Variants in THEM4 observed in about 807,000 individuals in gnomAD.
The protein encoded by THEM4 is thioesterase superfamily member 4.
Under a neutral mutation model 25.0 loss-of-function variants are expected in THEM4, and 22 were observed. That is an observed-to-expected ratio of 0.88 (90% confidence interval 0.63 to 1.26). The LOEUF is 1.26. Among genes scored for constraint, THEM4 ranks in the 50% most tolerant of loss-of-function variants. The pLI, the probability that THEM4 is intolerant of heterozygous loss-of-function variation, is 0.00. For missense variants in THEM4, 286 were observed against 300.3 expected (o/e 0.95, Z 0.35); for synonymous variants, 113 against 105.6 (o/e 1.07, Z -0.43).
intron 1 of THEM4, among the ~76,000 whole-genome samples, chr1:151,907,499 A>G (rs917508280): frequency 3.0e-4 from 45 of 152,264 alleles, no homozygotes; most frequent in African/African-American, 8.7e-4. Context: ...GCTTGTTTCA[A>G]GCTAGCCCAC....
Position 151,872,698 on chromosome 1 carries a change from G to C in THEM4, c.*2190C>G, listed in dbSNP as rs1405308307. 6.6e-6 allele frequency among the ~76,000 whole-genome samples: 1 copy of C among 152,198 alleles called. No homozygotes were observed. The highest frequency in any genetic ancestry group is 2.4e-5 in the African/African-American group (1 of 41,460). ...CAAGGTTTAAGGGATCTAGGACTGT[G>C]CAGGACGTGCCTCATTAACAGTATG... On this transcript the variant is annotated 3_prime_UTR_variant, in exon 6 of 6. Coordinates refer to ENST00000368814, the MANE Select transcript of THEM4 (RefSeq NM_053055.5).
intron 1 of THEM4, among the ~76,000 whole-genome samples, chr1:151,906,871 C>A (rs1654481211): frequency 6.6e-6 from 1 of 152,104 alleles, no homozygotes; most frequent in South Asian, 2.1e-4. Context: ...ATGCACCAAT[C>A]AGGGCCCTGT....
At chr1:151,905,249 G>C (rs1654431547) in intron 1 of THEM4, among the ~76,000 whole-genome samples, 1 of 152,196 alleles carries the variant, frequency 6.6e-6, no homozygotes, top group South Asian at 2.1e-4. Context: ...TTGAGTTCCT[G>C]TGTGGCAGGG....
chr1:151,887,233 A>T (rs1330954583), intron 4 of THEM4, among the ~76,000 whole-genome samples: 2 of 152,202 alleles, frequency 1.3e-5, no homozygotes, highest in African/African-American at 2.4e-5. Flanking sequence ...GTTTGAGATC[A>T]GCCTGGCCAA....
At chr1:151,894,439 T>C (rs991667869) in intron 2 of THEM4, among the ~76,000 whole-genome samples, 8 of 152,084 alleles carry the variant, frequency 5.3e-5, no homozygotes, top group African/African-American at 1.2e-4. Flanking sequence ...ATGTTAATAA[T>C]AGGAGAAATT....
chr1:151,876,438 T>A (rs926565762), intron 5 of THEM4, among the ~76,000 whole-genome samples: 1 of 136,280 alleles, frequency 7.3e-6, no homozygotes, highest in Non-Finnish European at 1.5e-5. Context: ...AAAGGGCATA[T>A]CACTTTGTAA....
intron 4 of THEM4, among the ~76,000 whole-genome samples, chr1:151,885,088 TTTA>T (rs1653937710): frequency 1.8e-3 from 1 of 554 alleles, no homozygotes; most frequent in African/African-American, 2.6e-3. Flanking sequence ...TCATCTTTTA[TTTA>T]TTTATTTATT....
At chr1:151,883,639 A>ATT (rs201272659) in intron 4 of THEM4, among the ~76,000 whole-genome samples, 9 of 141,762 alleles carry the variant, frequency 6.3e-5, no homozygotes, top group Non-Finnish European at 1.4e-4. Context: ...TTAATTGTGC[A>ATT]TTTTTTTTTT....
intron 1 of THEM4, among the ~76,000 whole-genome samples, chr1:151,900,162 A>T (rs1393326459): frequency 6.6e-6 from 1 of 152,226 alleles, no homozygotes; most frequent in Non-Finnish European, 1.5e-5. Context: ...AGGAGCTCTA[A>T]ATCTTGAAAC....
intron 2 of THEM4, among the ~76,000 whole-genome samples, chr1:151,892,924 G>C (rs1654124115): frequency 6.6e-6 from 1 of 152,194 alleles, no homozygotes; most frequent in African/African-American, 2.4e-5. Context: ...CCAAGAAACT[G>C]AAAAGGAGGC....
intron 4 of THEM4, among the ~76,000 whole-genome samples, chr1:151,882,724 A>G (rs889960853): frequency 3.3e-5 from 5 of 152,222 alleles, no homozygotes; most frequent in Non-Finnish European, 7.3e-5. Context: ...TAGTGTTTTT[A>G]GTAATACAAC....
At chr1:151,878,889 T>TACACACACACACACACACAC (rs144026658) in intron 4 of THEM4, among the ~76,000 whole-genome samples, 6,455 of 127,358 alleles carry the variant, frequency 0.051, 443 homozygotes, top group East Asian at 0.069. Context: ...TGTATATGTC[T>TACACACACACACACACACAC]ATACACACAC....
chr1:151,908,968 T>G (rs1654535407), intron 1 of THEM4, among the ~76,000 whole-genome samples: 1 of 152,238 alleles, frequency 6.6e-6, no homozygotes, highest in Non-Finnish European at 1.5e-5. Context: ...GATCAAATAT[T>G]TTTTTAAAGG....
chr1:151,882,187 C>G (rs1027268650), intron 4 of THEM4, among the ~76,000 whole-genome samples: 1 of 152,016 alleles, frequency 6.6e-6, no homozygotes, highest in East Asian at 1.9e-4. Flanking sequence ...ACCAGCATGA[C>G]CAACATGGCA....
intron 1 of THEM4, among the ~76,000 whole-genome samples, chr1:151,905,019 A>G (rs150376034): frequency 8.5e-5 from 13 of 152,374 alleles, no homozygotes; most frequent in African/African-American, 2.9e-4. Context: ...AAGACAAAGC[A>G]TAGATTATAA....
At chr1:151,877,976 A>C (rs1653726547) in intron 4 of THEM4, among the ~76,000 whole-genome samples, 1 of 152,134 alleles carries the variant, frequency 6.6e-6, no homozygotes, top group Non-Finnish European at 1.5e-5. Context: ...GGAAGTTATC[A>C]CTGTGATGAT....
At position 151,874,712 on chromosome 1, in the gene THEM4, G is replaced by A. The variant is rs1373900271; in HGVS notation, c.*176C>T. The A allele has an allele frequency of 2.9e-6, 2 of 691,732 alleles. No individual in the cohort carries two copies. The highest frequency in any genetic ancestry group is 3.6e-5 in the African/African-American group (2 of 56,132). 42.8% of individuals were successfully genotyped at this position (691,732 alleles called of 1,614,324 possible). On this transcript the variant is annotated 3_prime_UTR_variant, in exon 6 of 6. Transcript: ENST00000368814. ...ATATGCTCGCAGGAAGTATTTCTGTGTTAAAAAGTTGAGAAGATGGAAACT... is the reference window on the plus strand; with the variant it reads ...ATATGCTCGCAGGAAGTATTTCTGTATTAAAAAGTTGAGAAGATGGAAACT...
Position 151,889,121 on chromosome 1 carries a change from T to G in THEM4, c.446+93A>C, listed in dbSNP as rs1212938469. 4 of 982,126 alleles carry G rather than the reference T, an allele frequency of 4.1e-6. No individual in the cohort carries two copies. The African/African-American group carries it at 6.5e-5, about 16-fold the overall frequency. 60.8% of individuals were successfully genotyped at this position (982,126 alleles called of 1,614,324 possible). A position where few individuals can be genotyped will look rare whatever the true frequency, so the allele number is the denominator to read the frequency against. The stretch of plus-strand genomic sequence containing the variant: ...ATAAATATACATCTATGTGACCATT[T>G]GAAAATCTTTATTGTAGTCCATGTA... On this transcript the variant is annotated intron_variant, in intron 3 of 5. Transcript: ENST00000368814.
intron 1 of THEM4, 147 bp downstream of exon 1, chr1:151,909,213 T>C (rs1654542603): frequency 3.4e-6 from 2 of 592,310 alleles, no homozygotes; most frequent in Non-Finnish European, 2.8e-6. Flanking sequence ...CCTAGGCCCC[T>C]GTTGCTTATG....
Sources: gnomAD v4.1 joint callset for allele counts (sites outside exome capture counted in the v4.1 genomes callset) on GRCh38, gnomAD v4.1.1 for gene constraint, MANE v1.5 for transcripts, NCBI Gene and HGNC (gene_info 2026-07-23, HGNC 2026-07-21) for gene names.